Variants in TYW1B observed in about 807,000 individuals in gnomAD.
The protein encoded by TYW1B is S-adenosyl-L-methionine-dependent tRNA 4-demethylwyosine synthase TYW1B.
In TYW1B, 73 loss-of-function variants were observed where a neutral mutation model predicts 86.9. The observed-to-expected ratio is 0.84, with a 90% CI of 0.70 to 1.02. TYW1B has a LOEUF of 1.02. Ranked by LOEUF, TYW1B falls within the 50% of genes least tolerant of loss-of-function variation. The pLI, the probability that TYW1B is intolerant of heterozygous loss-of-function variation, is 0.00. For missense variants in TYW1B, 637 were observed against 827.4 expected (o/e 0.77, Z 2.82); for synonymous variants, 248 against 292.8 (o/e 0.85, Z 1.56).
At chr7:72,776,544 G>A (rs1554470582) in intron 7 of TYW1B, among the ~76,000 whole-genome samples, 2 of 97,056 alleles carry the variant, frequency 2.1e-5, no homozygotes, top group South Asian at 3.9e-4. Flanking sequence ...CTGGGTGAGA[G>A]AGACTCTGTC....
At chr7:72,590,108 C>T (rs1811361539) in intron 13 of TYW1B, among the ~76,000 whole-genome samples, 1 of 152,158 alleles carries the variant, frequency 6.6e-6, no homozygotes, top group African/African-American at 2.4e-5. Flanking sequence ...ATTACACTGG[C>T]AGAATTTGTC....
intron 9 of TYW1B, among the ~76,000 whole-genome samples, chr7:72,725,170 T>C (rs1786974890): frequency 6.6e-6 from 1 of 152,208 alleles, no homozygotes; most frequent in Non-Finnish European, 1.5e-5. Flanking sequence ...GTCTACCTCA[T>C]GGTTTATTCA....
intron 7 of TYW1B, among the ~76,000 whole-genome samples, chr7:72,763,343 C>T (rs576983340): frequency 1.5e-5 from 2 of 135,772 alleles, no homozygotes; most frequent in Non-Finnish European, 3.0e-5. Flanking sequence ...AGTGCAGTGG[C>T]GTAGTCTCGG....
chr7:72,732,640 T>A (rs1409438110), intron 8 of TYW1B, among the ~76,000 whole-genome samples: 1 of 151,988 alleles, frequency 6.6e-6, no homozygotes, highest in Non-Finnish European at 1.5e-5. Flanking sequence ...TTTATAATAA[T>A]AAACAACTAT....
At chr7:72,773,579 G>A (rs1372392601) in intron 7 of TYW1B, among the ~76,000 whole-genome samples, 2 of 152,178 alleles carry the variant, frequency 1.3e-5, no homozygotes, top group East Asian at 3.9e-4. Context: ...TTGCAGGATT[G>A]AAAGCTAGAG....
intron 11 of TYW1B, among the ~76,000 whole-genome samples, chr7:72,663,322 T>G (rs1330817854): frequency 6.6e-6 from 1 of 152,134 alleles, no homozygotes; most frequent in Non-Finnish European, 1.5e-5. Flanking sequence ...AATTTCAAAG[T>G]AAATATCATT....
intron 3 of TYW1B, among the ~76,000 whole-genome samples, chr7:72,813,515 A>G (rs1197288025): frequency 1.3e-5 from 2 of 152,150 alleles, no homozygotes; most frequent in African/African-American, 2.4e-5. Flanking sequence ...CAGCATCACC[A>G]GGAGCATTGT....
At chr7:72,776,891 T>C (rs562490611) in intron 7 of TYW1B, among the ~76,000 whole-genome samples, 2 of 152,036 alleles carry the variant, frequency 1.3e-5, no homozygotes, top group Non-Finnish European at 2.9e-5. Flanking sequence ...CCTGTGTTTC[T>C]CTGCATTGCC....
chr7:72,672,416 T>C (rs1414131282), intron 11 of TYW1B, among the ~76,000 whole-genome samples: 1 of 151,774 alleles, frequency 6.6e-6, no homozygotes, highest in Non-Finnish European at 1.5e-5. Context: ...AAATCTTTTT[T>C]AAATATGGTG....
In TYW1B at chr7:72,636,253, T is replaced by C. The variant is rs573121203; in HGVS notation, c.1507-7256A>G. ...AACTAATATTTAACTGATATTTTAA[T>C]AGCTGGTATACAGAAATATAACTGA... On this transcript the variant is annotated intron_variant, in intron 11 of 13. Transcript: ENST00000620995. 5.3e-5 allele frequency among the ~76,000 whole-genome samples: 8 copies of C among 152,338 alleles called. No individual in the cohort carries two copies. The South Asian group carries it at 1.7e-3, about 32-fold the overall frequency.
intron 8 of TYW1B, among the ~76,000 whole-genome samples, chr7:72,740,033 A>G (rs1554461765): frequency 6.7e-6 from 1 of 148,268 alleles, no homozygotes; most frequent in Non-Finnish European, 1.5e-5. Context: ...GGAGTTCGAG[A>G]CCAGTCTGGC....
intron 13 of TYW1B, among the ~76,000 whole-genome samples, chr7:72,599,573 A>T (rs1563024497): frequency 6.6e-6 from 1 of 152,198 alleles, no homozygotes; most frequent in South Asian, 2.1e-4. Flanking sequence ...TATACAGATT[A>T]GGAAGGAGGA....
chr7:72,767,288 ATCC>A (rs1299866091), intron 7 of TYW1B, among the ~76,000 whole-genome samples: 9 of 152,244 alleles, frequency 5.9e-5, no homozygotes, highest in African/African-American at 2.2e-4. Context: ...CAATTACATA[ATCC>A]TCCTCAATTT....
chr7:72,729,298 G>T (rs1195913989), intron 8 of TYW1B, among the ~76,000 whole-genome samples: 13 of 152,122 alleles, frequency 8.5e-5, no homozygotes, highest in Non-Finnish European at 1.3e-4. Flanking sequence ...AGTGAGTGAG[G>T]ACAGCTGGAA....
At chr7:72,691,638 T>C (rs1334485514) in intron 11 of TYW1B, among the ~76,000 whole-genome samples, 25 of 152,194 alleles carry the variant, frequency 1.6e-4, no homozygotes, top group Admixed American at 1.4e-3. Context: ...TAGATAACAA[T>C]GTCAGATGGG....
At chr7:72,648,033 A>G (rs577317988) in intron 11 of TYW1B, among the ~76,000 whole-genome samples, 1 of 152,268 alleles carries the variant, frequency 6.6e-6, no homozygotes, top group East Asian at 1.9e-4. Flanking sequence ...TAAAAGCTGA[A>G]AACAAACTTA....
At chr7:72,733,024 A>G (rs1554460219) in intron 8 of TYW1B, among the ~76,000 whole-genome samples, 1 of 152,154 alleles carries the variant, frequency 6.6e-6, no homozygotes, top group Non-Finnish European at 1.5e-5. Context: ...GTACACACAC[A>G]ACCTACCAAG....
chr7:72,761,025 T>C (rs1554467107), intron 7 of TYW1B, among the ~76,000 whole-genome samples: 1 of 152,214 alleles, frequency 6.6e-6, no homozygotes, highest in African/African-American at 2.4e-5. Flanking sequence ...CTTTGTCTAA[T>C]ATCTCAATTC....
intron 11 of TYW1B, among the ~76,000 whole-genome samples, chr7:72,672,997 C>T (rs1287753090): frequency 6.6e-6 from 1 of 152,138 alleles, no homozygotes; most frequent in East Asian, 1.9e-4. Context: ...AGTGAAACCC[C>T]ATCTCTACTA....
Sources: allele counts gnomAD v4.1 joint callset (sites outside exome capture counted in the v4.1 genomes callset), GRCh38; gene constraint gnomAD v4.1.1; transcripts MANE v1.5; gene names NCBI Gene and HGNC (gene_info 2026-07-23, HGNC 2026-07-21).